Variants in MTBP observed in about 807,000 individuals in gnomAD.
MTBP encodes the protein MDM2 binding protein.
Under a neutral mutation model 117.0 loss-of-function variants are expected in MTBP, and 101 were observed. The ratio of observed to expected loss-of-function variants is 0.86; its 90% CI spans 0.73 to 1.02. The LOEUF (loss-of-function observed/expected upper bound fraction) is 1.02, where lower values mean the gene tolerates loss of function less well. MTBP is among the 50% of genes least tolerant of loss of function. MTBP has a pLI of 0.00. For missense variants in MTBP, 970 were observed against 1,030.9 expected (o/e 0.94, Z 0.81); for synonymous variants, 350 against 351.5 (o/e 1.00, Z 0.05).
In MTBP at chr8:120,523,471, A is replaced by G; in HGVS notation, c.*135A>G. 2.1e-6 allele frequency: 1 copy of G among 466,526 alleles called. No individual in the cohort carries two copies. The highest frequency in any genetic ancestry group is 3.8e-6 in the Non-Finnish European group (1 of 264,308). 28.9% of individuals were successfully genotyped at this position (466,526 alleles called of 1,614,324 possible). The stretch of plus-strand genomic sequence containing the variant: ...AGATGTTATATTTCTAAAGAATTTC[A>G]TGAATATATATTCTATATTTGTATA... On this transcript the variant is annotated 3_prime_UTR_variant, in exon 22 of 22. Transcript: ENST00000305949.
chr8:120,512,047 CTTTG>C (rs1189769449), intron 17 of MTBP, among the ~76,000 whole-genome samples: 1 of 152,100 alleles, frequency 6.6e-6, no homozygotes, highest in Non-Finnish European at 1.5e-5. Context: ...ATCTCCCCCA[CTTTG>C]TTTGATAAGA....
chr8:120,507,482 T>C (rs1814709925), intron 16 of MTBP, among the ~76,000 whole-genome samples: 1 of 152,298 alleles, frequency 6.6e-6, no homozygotes, highest in East Asian at 1.9e-4. Context: ...CCTGTGAGAA[T>C]TGAATAATTT....
At chr8:120,506,632 T>TG in intron 15 of MTBP, 74 bp from the exon 16 acceptor site, 1 of 1,156,694 alleles carries the variant, frequency 8.6e-7, no homozygotes, top group East Asian at 2.9e-5. Context: ...ACTGTGCTTT[T>TG]TTTTTTTTTT....
chr8:120,480,479 C>G (rs1028349707), intron 11 of MTBP, among the ~76,000 whole-genome samples: 1 of 151,924 alleles, frequency 6.6e-6, no homozygotes, highest in Non-Finnish European at 1.5e-5. Flanking sequence ...ACTAGAATGG[C>G]CAGAACAATT....
chr8:120,510,151 T>A (rs1383866430), intron 17 of MTBP, 122 bp downstream of exon 17: 6 of 646,762 alleles, frequency 9.3e-6, no homozygotes, highest in Non-Finnish European at 1.2e-5. Flanking sequence ...GTCAAAAACC[T>A]CAAAAAGCAA....
chr8:120,490,730 A>G (rs1814326746), intron 13 of MTBP, 160 bp downstream of exon 13: 3 of 490,094 alleles, frequency 6.1e-6, no homozygotes, highest in South Asian at 6.8e-5. Flanking sequence ...AGTAGAAGAG[A>G]TATTTTCACT....
chr8:120,492,155 C>T (rs888267199), intron 13 of MTBP, among the ~76,000 whole-genome samples: 4 of 152,128 alleles, frequency 2.6e-5, no homozygotes, highest in East Asian at 1.9e-4. Flanking sequence ...GGCCAATTTG[C>T]GATCAGAAGC....
chr8:120,474,573 TGCCAC>T (rs1162065075), intron 11 of MTBP, among the ~76,000 whole-genome samples: 1 of 152,074 alleles, frequency 6.6e-6, no homozygotes, highest in Non-Finnish European at 1.5e-5. Context: ...CCTCTATTGT[TGCCAC>T]ATATATTCCA....
At chr8:120,511,086 T>C (rs1048961240) in intron 17 of MTBP, among the ~76,000 whole-genome samples, 3 of 152,156 alleles carry the variant, frequency 2.0e-5, no homozygotes, top group Admixed American at 2.0e-4. Flanking sequence ...CGGAGATAGC[T>C]ACTAAATTAT....
In MTBP at chr8:120,497,555, G is replaced by T; in HGVS notation, c.1609+1G>T. On this transcript the variant is annotated splice_donor_variant, in intron 14 of 21. Transcript: ENST00000305949. LOFTEE classifies it high-confidence loss of function. The stretch of plus-strand genomic sequence containing the variant: ...ATTAAAACCTTCAATATATTAAATG[G>T]TAAGTTTTTTATTACTTTAAATTTT... 2 of 1,448,718 alleles carry T rather than the reference G, an allele frequency of 1.4e-6. No individual in the cohort carries two copies. Among genetic ancestry groups the T allele is most frequent in the Non-Finnish European group, 1.9e-6 (2 of 1,067,338 alleles). The allele number at this position is 1,448,718 out of a possible 1,614,324, so 89.7% of individuals were successfully genotyped here. A position where few individuals can be genotyped will look rare whatever the true frequency, so the allele number is the denominator to read the frequency against.
intron 14 of MTBP, among the ~76,000 whole-genome samples, chr8:120,498,795 A>G (rs1342863784): frequency 1.3e-5 from 2 of 152,114 alleles, no homozygotes; most frequent in Non-Finnish European, 2.9e-5. Context: ...GAAGCACCAT[A>G]TTCAGGGTCA....
chr8:120,498,222 C>T (rs1199255858), intron 14 of MTBP, among the ~76,000 whole-genome samples: 1 of 152,170 alleles, frequency 6.6e-6, no homozygotes, highest in African/African-American at 2.4e-5. Flanking sequence ...ATATAACCCA[C>T]TTACTAGGAT....
chr8:120,498,308 A>G (rs1814511522), intron 14 of MTBP, among the ~76,000 whole-genome samples: 1 of 152,210 alleles, frequency 6.6e-6, no homozygotes, highest in Non-Finnish European at 1.5e-5. Flanking sequence ...ACAAGTACCA[A>G]AAAAGATGTT....
At chr8:120,481,091 A>G (rs1159990840) in intron 11 of MTBP, among the ~76,000 whole-genome samples, 1 of 152,224 alleles carries the variant, frequency 6.6e-6, no homozygotes, top group Non-Finnish European at 1.5e-5. Flanking sequence ...GATGCCCAAC[A>G]TCATTAGTCT....
At chr8:120,456,213 A>G (rs938570010) in intron 6 of MTBP, among the ~76,000 whole-genome samples, 1 of 152,154 alleles carries the variant, frequency 6.6e-6, no homozygotes, top group African/African-American at 2.4e-5. Context: ...TGGGAACAAT[A>G]TAGGAGAGCA....
At chr8:120,512,681 A>G (rs904712767) in intron 17 of MTBP, among the ~76,000 whole-genome samples, 2 of 152,132 alleles carry the variant, frequency 1.3e-5, no homozygotes, top group African/African-American at 4.8e-5. Flanking sequence ...ACCTACTCCC[A>G]TAAACAAATA....
intron 8 of MTBP, 108 bp downstream of exon 8, chr8:120,459,457 C>T: frequency 9.4e-7 from 1 of 1,058,818 alleles, no homozygotes; most frequent in Non-Finnish European, 1.3e-6. Flanking sequence ...TAAGTGTGCT[C>T]ACTAGCATAA....
In MTBP at chr8:120,455,554, A is replaced by T; in HGVS notation, c.604A>T (p.Thr202Ser). The T allele has an allele frequency of 6.2e-7, 1 of 1,609,494 alleles. No homozygotes were observed. Among genetic ancestry groups the T allele is most frequent in the Non-Finnish European group, 8.5e-7 (1 of 1,178,596 alleles). Residue 202 changes from threonine (T) to serine (S), a missense_variant, in exon 6 of 22, where the codon ACT (threonine) becomes TCT (serine). Physicochemically the swap from Thr to Ser is moderately conservative, Grantham distance 58. Coordinates refer to ENST00000305949, the MANE Select transcript of MTBP (RefSeq NM_022045.5). ...GAGAGAATGGTATTCAGCAAAGATC[A>T]CTATAGCAGGAAATCATTGTGAAAT... Reference protein sequence around the residue: ...HLREWYSAKITIAGNHCEINC... With the variant: ...HLREWYSAKISIAGNHCEINC...
chr8:120,490,301 T>G (rs1461398112), intron 12 of MTBP, among the ~76,000 whole-genome samples, 162 bp from the exon 13 acceptor site: 5 of 152,188 alleles, frequency 3.3e-5, no homozygotes, highest in Non-Finnish European at 7.4e-5. Context: ...GCTGCTTAAT[T>G]ATTATTATTA....
Sources: allele counts gnomAD v4.1 joint callset (sites outside exome capture counted in the v4.1 genomes callset), GRCh38; gene constraint gnomAD v4.1.1; transcripts MANE v1.5; gene names NCBI Gene and HGNC (gene_info 2026-07-23, HGNC 2026-07-21).